Variants in HPSE2 observed in about 807,000 individuals in gnomAD.
HPSE2 encodes the protein inactive heparanase-2.
In HPSE2, 38 loss-of-function variants were observed where a neutral mutation model predicts 60.5. The ratio of observed to expected loss-of-function variants is 0.63; its 90% confidence interval spans 0.48 to 0.82. The LOEUF is 0.82. Ranked by LOEUF, HPSE2 falls within the 40% of genes least tolerant of loss-of-function variation. HPSE2 has a pLI of 0.00. For synonymous variants in HPSE2, 295 were observed against 293.2 expected, an observed-to-expected ratio of 1.01 and a Z score of -0.06; for missense variants, 713 against 740.4, an observed-to-expected ratio of 0.96 and a Z score of 0.43.
intron 6 of HPSE2, among the ~76,000 whole-genome samples, chr10:98,648,411 A>C (rs1589568145): frequency 6.6e-6 from 1 of 152,334 alleles, no homozygotes; most frequent in East Asian, 1.9e-4. Flanking sequence ...AATTGTGGGC[A>C]GAAGTGGATC....
chr10:98,960,696 C>T (rs1436693095), intron 3 of HPSE2, among the ~76,000 whole-genome samples: 2 of 79,244 alleles, frequency 2.5e-5, no homozygotes, highest in African/African-American at 4.4e-5. Context: ...TAACTATGTA[C>T]ATTTCTTTTT....
intron 3 of HPSE2, among the ~76,000 whole-genome samples, chr10:99,086,446 G>A (rs1185144916): frequency 1.4e-5 from 2 of 137,984 alleles, no homozygotes; most frequent in South Asian, 2.3e-4. Context: ...TCCGCCTCCC[G>A]GGTTCACGCC....
intron 3 of HPSE2, among the ~76,000 whole-genome samples, chr10:98,815,637 G>A (rs953868956): frequency 1.3e-5 from 2 of 152,092 alleles, no homozygotes; most frequent in African/African-American, 4.8e-5. Context: ...TCCTTACAAA[G>A]ACAGAAACAA....
intron 6 of HPSE2, among the ~76,000 whole-genome samples, chr10:98,691,876 T>C (rs1691709510): frequency 6.6e-6 from 1 of 152,210 alleles, no homozygotes; most frequent in South Asian, 2.1e-4. Context: ...ATATAAAGTT[T>C]AAGAACAGTT....
the HPSE2 span, among the ~76,000 whole-genome samples, chr10:99,243,657 A>G: frequency 6.6e-6 from 1 of 152,142 alleles, no homozygotes; most frequent in Non-Finnish European, 1.5e-5. Flanking sequence ...ATCTCAATAC[A>G]TTTAAAATAT....
upstream of HPSE2, chr10:99,235,960 T>G (rs1469488060): frequency 3.5e-6 from 2 of 576,230 alleles, no homozygotes; most frequent in Non-Finnish European, 6.2e-6. Flanking sequence ...TCCCGCTCTC[T>G]CTCTCTCTCG....
At chr10:98,903,184 T>C (rs1222709162) in intron 3 of HPSE2, among the ~76,000 whole-genome samples, 2 of 152,132 alleles carry the variant, frequency 1.3e-5, no homozygotes, top group Non-Finnish European at 2.9e-5. Flanking sequence ...GATTACATAT[T>C]ATATTATTTC....
intron 3 of HPSE2, among the ~76,000 whole-genome samples, chr10:98,926,227 T>C (rs1351405580): frequency 2.0e-5 from 3 of 152,114 alleles, no homozygotes; most frequent in African/African-American, 4.8e-5. Flanking sequence ...GGAAAATACA[T>C]CATTTTTAAG....
intron 3 of HPSE2, among the ~76,000 whole-genome samples, chr10:98,985,474 A>G (rs1340515588): frequency 6.6e-6 from 1 of 152,232 alleles, no homozygotes; most frequent in Non-Finnish European, 1.5e-5. Context: ...CCTGCCCTAA[A>G]ACAGCTCCTG....
intron 2 of HPSE2, among the ~76,000 whole-genome samples, chr10:99,204,793 A>T (rs953365950): frequency 2.6e-5 from 4 of 152,222 alleles, no homozygotes; most frequent in Non-Finnish European, 4.4e-5. Context: ...AGAAATATTT[A>T]AAAAAAGAAA....
rs568072896 is a variant in HPSE2 at position 98,505,430 on chromosome 10, A to C, written c.1321-15234T>G. 5.3e-5 allele frequency among the ~76,000 whole-genome samples: 8 copies of C among 152,302 alleles called. No individual in the cohort carries two copies. The South Asian group carries it at 1.7e-3, about 32-fold the overall frequency. On this transcript the variant is annotated intron_variant, in intron 9 of 11. Coordinates refer to ENST00000370552, the MANE Select transcript of HPSE2 (RefSeq NM_021828.5). ...TGCTGTGTCATATACAGGTATATGT[A>C]TGACACTTTACAGGATAATGCCCAG...
intron 11 of HPSE2, among the ~76,000 whole-genome samples, chr10:98,465,613 C>T (rs1231015508): frequency 6.6e-6 from 1 of 152,228 alleles, no homozygotes; most frequent in Non-Finnish European, 1.5e-5. Flanking sequence ...CAAATTCTGG[C>T]TTCCTGACCA....
chr10:98,657,071 A>AT (rs1156724213), intron 6 of HPSE2, among the ~76,000 whole-genome samples: 1 of 151,906 alleles, frequency 6.6e-6, no homozygotes, highest in African/African-American at 2.4e-5. Flanking sequence ...CCTGATGGGC[A>AT]TTTTTTAGAG....
At chr10:99,149,647 C>T (rs77276440) in intron 2 of HPSE2, among the ~76,000 whole-genome samples, 131 of 152,276 alleles carry the variant, frequency 8.6e-4, no homozygotes, top group Non-Finnish European at 1.4e-3. Flanking sequence ...AATAACATCA[C>T]ATTGTAATAT....
the HPSE2 span, among the ~76,000 whole-genome samples, chr10:99,313,132 T>C: frequency 6.6e-6 from 1 of 152,226 alleles, no homozygotes; most frequent in Non-Finnish European, 1.5e-5. Flanking sequence ...TTAAATCTGG[T>C]AAACCTCGTT....
At chr10:98,838,913 G>A (rs966858742) in intron 3 of HPSE2, among the ~76,000 whole-genome samples, 15 of 152,104 alleles carry the variant, frequency 9.9e-5, no homozygotes, top group African/African-American at 3.1e-4. Context: ...TGTAGATCCT[G>A]TGAACAGTCT....
At chr10:98,546,576 G>A (rs1943684396) in intron 9 of HPSE2, among the ~76,000 whole-genome samples, 1 of 151,848 alleles carries the variant, frequency 6.6e-6, no homozygotes, top group African/African-American at 2.4e-5. Context: ...TTTAATAAAT[G>A]GTGCTGGGAA....
At chr10:98,932,577 C>T (rs1193522641) in intron 3 of HPSE2, among the ~76,000 whole-genome samples, 1 of 138,296 alleles carries the variant, frequency 7.2e-6, no homozygotes. Flanking sequence ...TGGTAGAATT[C>T]AGCTGTAACT....
At chr10:98,639,991 A>T (rs1946597180) in intron 7 of HPSE2, among the ~76,000 whole-genome samples, 2 of 152,246 alleles carry the variant, frequency 1.3e-5, no homozygotes, top group South Asian at 2.1e-4. Flanking sequence ...ATAAATATTT[A>T]TTGAATGAAG....
Sources: gnomAD v4.1 joint callset for allele counts (sites outside exome capture counted in the v4.1 genomes callset) on GRCh38, gnomAD v4.1.1 for gene constraint, MANE v1.5 for transcripts, NCBI Gene and HGNC (gene_info 2026-07-23, HGNC 2026-07-21) for gene names.